LDLRAD4: variants seen among roughly 807,000 people sequenced by gnomAD.
LDLRAD4 encodes low-density lipoprotein receptor class A domain-containing protein 4.
In LDLRAD4, 5 loss-of-function variants were observed where a neutral mutation model predicts 17.0. That is an observed-to-expected ratio of 0.29 (90% CI 0.15 to 0.62). The LOEUF is 0.62. Ranked by LOEUF, LDLRAD4 falls within the 20% of genes least tolerant of loss-of-function variation. The pLI is 0.84. For synonymous variants in LDLRAD4, 168 were observed against 171.8 expected (o/e 0.98, Z 0.17); for missense variants, 340 against 424.7 (o/e 0.80, Z 1.75).
At chr18:13,586,126 G>T (rs1320932105) in intron 3 of LDLRAD4, among the ~76,000 whole-genome samples, 1 of 151,990 alleles carries the variant, frequency 6.6e-6, no homozygotes, top group Admixed American at 6.6e-5. Context: ...TAGAAACTGA[G>T]GGCGGGGCAT....
chr18:13,615,663 A>G (rs2040002542), intron 3 of LDLRAD4: 1 of 152,290 alleles, frequency 6.6e-6, no homozygotes. Context: ...CACTGTCGTC[A>G]CTGTCACTGC....
At chr18:13,365,558 G>A (rs760418380) in intron 1 of LDLRAD4, among the ~76,000 whole-genome samples, 2 of 152,170 alleles carry the variant, frequency 1.3e-5, no homozygotes, top group African/African-American at 2.4e-5. Flanking sequence ...CCTCCATGAC[G>A]GTGTCCTTTT....
At chr18:13,494,093 G>C (rs138589936) in intron 3 of LDLRAD4, among the ~76,000 whole-genome samples, 11 of 152,312 alleles carry the variant, frequency 7.2e-5, no homozygotes, top group Middle Eastern at 3.4e-3. Flanking sequence ...ACCTCGACAT[G>C]AGTTTGGGGA....
At chr18:13,563,932 C>G (rs1487978665) in intron 3 of LDLRAD4, among the ~76,000 whole-genome samples, 1 of 151,994 alleles carries the variant, frequency 6.6e-6, no homozygotes, top group Non-Finnish European at 1.5e-5. Context: ...GAGAGTCTCT[C>G]TCTCTCTCTC....
At chr18:13,267,747 A>G (rs578141650) in intron 1 of LDLRAD4, among the ~76,000 whole-genome samples, 2 of 152,362 alleles carry the variant, frequency 1.3e-5, no homozygotes, top group Admixed American at 1.3e-4. Context: ...GAAATCACGC[A>G]CATGTAAGGA....
At chr18:13,232,333 G>A (rs1005891608) in intron 1 of LDLRAD4, among the ~76,000 whole-genome samples, 3 of 152,202 alleles carry the variant, frequency 2.0e-5, no homozygotes, top group African/African-American at 4.8e-5. Flanking sequence ...CTCGCCTCCC[G>A]CCTCTGTCTG....
chr18:13,535,660 A>G (rs2147878376), intron 3 of LDLRAD4, among the ~76,000 whole-genome samples: 1 of 152,238 alleles, frequency 6.6e-6, no homozygotes, highest in Non-Finnish European at 1.5e-5. Context: ...TTTTATTTGT[A>G]TGAGGTCCAT....
intron 1 of LDLRAD4, among the ~76,000 whole-genome samples, chr18:13,343,743 T>C (rs1414060399): frequency 6.6e-6 from 1 of 152,184 alleles, no homozygotes; most frequent in Non-Finnish European, 1.5e-5. Flanking sequence ...CTCCAGCACC[T>C]GTTGTTTCCT....
rs1252124066 is a variant in LDLRAD4 at position 13,403,561 on chromosome 18, A to T, written c.40+15799A>T. 2.0e-5 allele frequency among the ~76,000 whole-genome samples: 3 copies of T among 152,032 alleles called. No homozygotes were observed. The East Asian group carries it at 5.8e-4, about 29-fold the overall frequency. On this transcript the variant is annotated intron_variant, in intron 2 of 5. Transcript: ENST00000359446. ...TGTGTGACCTTGGGTGAGTTACTTC[A>T]CCTCTCTTGGCCTCAGTTTCTCTGT...
chr18:13,490,285 A>G (rs570244821), intron 3 of LDLRAD4: 1 of 152,356 alleles, frequency 6.6e-6, no homozygotes, highest in South Asian at 2.1e-4. Flanking sequence ...AGTCAGAAAC[A>G]TTTTAAGTGA....
At position 13,234,829 on chromosome 18, in the gene LDLRAD4, G is replaced by A. The variant is rs191436566; in HGVS notation, c.-467+15841G>A. 6 of 152,304 alleles carry A rather than the reference G, an allele frequency of 3.9e-5. No homozygotes were observed. The East Asian group carries it at 7.7e-4, about 20-fold the overall frequency. The allele number at this position is 152,304 out of a possible 1,614,324, so 9.4% of individuals were successfully genotyped here. On this transcript the variant is annotated intron_variant, in intron 1 of 5. Coordinates refer to the LDLRAD4 transcript ENST00000399848. ...AACTACCTACCAGAAACCAGGAGAA[G>A]CAATTGTTTTTCAGACCAACTTTTG...
intron 1 of LDLRAD4, among the ~76,000 whole-genome samples, chr18:13,248,840 A>G (rs369490653): frequency 1.3e-5 from 2 of 152,194 alleles, no homozygotes; most frequent in African/African-American, 4.8e-5. Flanking sequence ...GTGGTATAGA[A>G]CACTAGAACT....
At chr18:13,273,666 A>G (rs544458956), upstream of LDLRAD4, among the ~76,000 whole-genome samples, 10 of 152,312 alleles carry the variant, frequency 6.6e-5, no homozygotes, top group South Asian at 1.2e-3. Context: ...CAGAAAGGCC[A>G]GAAGCCTGCG....
chr18:13,281,474 A>T (rs868777121), intron 1 of LDLRAD4, among the ~76,000 whole-genome samples: 5,088 of 152,288 alleles, frequency 0.033, 276 homozygotes, highest in African/African-American at 0.11. Context: ...GTGAATGACC[A>T]TCTAATGCTG....
chr18:13,612,062 T>G (rs1002332480), intron 3 of LDLRAD4: 7 of 985,524 alleles, frequency 7.1e-6, no homozygotes, highest in Non-Finnish European at 8.4e-6. Context: ...GTGTCCTGCC[T>G]TGGTAAGCGC....
intron 3 of LDLRAD4, chr18:13,611,809 G>A (rs533384523): frequency 4.1e-6 from 4 of 985,622 alleles, no homozygotes; most frequent in Non-Finnish European, 1.2e-6. Context: ...AAAGGAGCGC[G>A]CAGTGTTTCC....
intron 3 of LDLRAD4, among the ~76,000 whole-genome samples, chr18:13,441,348 G>A (rs1292744558): frequency 5.9e-5 from 9 of 152,330 alleles, no homozygotes; most frequent in East Asian, 1.9e-4. Context: ...CTGCTCTGAC[G>A]GTAAGGTCCC....
At chr18:13,481,408 G>T (rs775175566) in intron 3 of LDLRAD4, among the ~76,000 whole-genome samples, 26 of 152,200 alleles carry the variant, frequency 1.7e-4, no homozygotes, top group Non-Finnish European at 3.4e-4. Flanking sequence ...TGAGAAGCGG[G>T]GGCACGTGTA....
At chr18:13,587,874 TC>T (rs1199562895) in intron 3 of LDLRAD4, among the ~76,000 whole-genome samples, 15 of 152,238 alleles carry the variant, frequency 9.9e-5, no homozygotes, top group African/African-American at 3.6e-4. Flanking sequence ...GAAAAGTTAG[TC>T]CTCAAATAAG....
Sources: allele counts gnomAD v4.1 joint callset (sites outside exome capture counted in the v4.1 genomes callset), GRCh38; gene constraint gnomAD v4.1.1; transcripts MANE v1.5; gene names NCBI Gene and HGNC (gene_info 2026-07-23, HGNC 2026-07-21).